Variants in UBE2D4 observed in about 807,000 individuals in gnomAD.
UBE2D4 encodes ubiquitin-conjugating enzyme E2 D4.
A neutral mutation model predicts 23.0 loss-of-function variants in UBE2D4; 17 were observed. That is an observed-to-expected ratio of 0.74 (90% CI 0.51 to 1.11). UBE2D4 has a LOEUF of 1.11. UBE2D4 is among the 50% of genes least tolerant of loss of function. The pLI is 0.00. For missense variants in UBE2D4, 139 were observed against 181.8 expected (o/e 0.76, Z 1.35); for synonymous variants, 61 against 69.4 (o/e 0.88, Z 0.60).
intron 1 of UBE2D4, among the ~76,000 whole-genome samples, chr7:43,932,840 A>G (rs2095948895): frequency 6.6e-6 from 1 of 150,636 alleles, no homozygotes; most frequent in African/African-American, 2.4e-5. Flanking sequence ...AATAATAGAA[A>G]AAAAGAAAAT....
chr7:43,940,562 G>A (rs1266974545), intron 2 of UBE2D4, among the ~76,000 whole-genome samples: 1 of 152,180 alleles, frequency 6.6e-6, no homozygotes, highest in Non-Finnish European at 1.5e-5. Context: ...AGTGGATGAG[G>A]TTCAGACAGC....
chr7:43,934,281 G>T (rs2095953525), intron 1 of UBE2D4, among the ~76,000 whole-genome samples: 2 of 151,828 alleles, frequency 1.3e-5, no homozygotes, highest in African/African-American at 4.8e-5. Flanking sequence ...TGGCTTGAAA[G>T]AAAACTCCAG....
intron 1 of UBE2D4, among the ~76,000 whole-genome samples, chr7:43,927,349 A>G (rs549430754): frequency 7.2e-4 from 101 of 139,852 alleles, no homozygotes; most frequent in Non-Finnish European, 9.5e-4. Context: ...AGGCTGGAGT[A>G]TCGCCCAGGC....
Position 43,943,021 on chromosome 7 carries a change from A to C in UBE2D4, c.188A>C (p.Lys63Thr). The C allele has an allele frequency of 6.2e-7, 1 of 1,614,134 alleles. No individual in the cohort carries two copies. Among genetic ancestry groups the C allele is most frequent in the Non-Finnish European group, 8.5e-7 (1 of 1,180,010 alleles). Residue 63 changes from lysine to threonine, a missense_variant, in exon 4 of 7, where the codon AAG (lysine) becomes ACG (threonine). Physicochemically the swap from Lys to Thr is moderately conservative, Grantham distance 78 (BLOSUM62 -1). Coordinates refer to ENST00000222402, the MANE Select transcript of UBE2D4 (RefSeq NM_015983.4). ...TIHFPTDYPF[K>T]PPKVAFTTKI... is the part of the protein sequence containing the mutation. Reference sequence around the variant, plus strand: ...CACTTTCCTACAGATTACCCGTTCAAGCCCCCAAAGGTGAGGTCCCTCTCC... The same window carrying C: ...CACTTTCCTACAGATTACCCGTTCACGCCCCCAAAGGTGAGGTCCCTCTCC...
intron 1 of UBE2D4, among the ~76,000 whole-genome samples, chr7:43,934,639 CT>C (rs34428425): frequency 5.0e-4 from 72 of 145,294 alleles, no homozygotes; most frequent in Admixed American, 4.8e-4. Flanking sequence ...TAAAGCAATT[CT>C]TTTTTTTTTT....
rs558752585 is a variant in UBE2D4, at chr7:43,931,411, T to C, written c.24+4855T>C. Among the ~76,000 whole-genome samples, 4 of 152,318 alleles carry C rather than the reference T, an allele frequency of 2.6e-5. No individual in the cohort carries two copies. In the East Asian group the frequency reaches 7.7e-4, roughly 29 times the overall value. ...GTGAGCCGATATCGTGCCACTGCACTCCAACCTGGGTGACAGAGTAAGACC... is the reference window on the plus strand; with the variant it reads ...GTGAGCCGATATCGTGCCACTGCACCCCAACCTGGGTGACAGAGTAAGACC... On this transcript the variant is annotated intron_variant, in intron 1 of 6. Transcript: ENST00000222402.
At chr7:43,929,663 C>T (rs957561249) in intron 1 of UBE2D4, among the ~76,000 whole-genome samples, 1 of 152,034 alleles carries the variant, frequency 6.6e-6, no homozygotes, top group African/African-American at 2.4e-5. Context: ...GTGTGTGTGA[C>T]GCATTCACTC....
intron 1 of UBE2D4, among the ~76,000 whole-genome samples, chr7:43,937,077 C>T (rs1452393494): frequency 6.6e-6 from 1 of 152,212 alleles, no homozygotes; most frequent in Non-Finnish European, 1.5e-5. Flanking sequence ...TGTAACTGTT[C>T]ATCACACCTC....
Position 43,939,538 on chromosome 7 carries a change from G to A in UBE2D4, c.88+1044G>A, listed in dbSNP as rs570369609. Among the ~76,000 whole-genome samples the A allele has an allele frequency of 5.9e-5, 9 of 152,324 alleles. No individual in the cohort carries two copies. In the South Asian group the frequency reaches 1.7e-3, roughly 28 times the overall value. ...CAGCCATAGGAAAATAGGTGGGGAG[G>A]GGAGATACTATGTGTTCAAGGAGAG... On this transcript the variant is annotated intron_variant, in intron 2 of 6. Transcript: ENST00000222402.
intron 1 of UBE2D4, among the ~76,000 whole-genome samples, chr7:43,935,449 T>C (rs1321268569): frequency 6.6e-6 from 1 of 152,238 alleles, no homozygotes; most frequent in Non-Finnish European, 1.5e-5. Flanking sequence ...GCTAAATTTA[T>C]GCTTCTCTGT....
chr7:43,950,931 A>G (rs1018232751), intron 6 of UBE2D4, among the ~76,000 whole-genome samples: 4 of 152,252 alleles, frequency 2.6e-5, no homozygotes, highest in Admixed American at 1.3e-4. Context: ...TGGATAACTC[A>G]TTAGCTGCTG....
At chr7:43,928,118 G>C (rs762800417) in intron 1 of UBE2D4, 1 of 437,002 alleles carries the variant, frequency 2.3e-6, no homozygotes, top group Non-Finnish European at 4.5e-6. Context: ...CCTGGTAAGA[G>C]AGGGAGCAAG....
At chr7:43,948,492 G>T in intron 4 of UBE2D4, 140 bp from the exon 5 acceptor site, 1 of 603,578 alleles carries the variant, frequency 1.7e-6, no homozygotes, top group Admixed American at 2.9e-5. Flanking sequence ...TGGGAGTGGG[G>T]GTCTGGCTTA....
chr7:43,932,211 G>T (rs183569353), intron 1 of UBE2D4, among the ~76,000 whole-genome samples: 36 of 150,730 alleles, frequency 2.4e-4, no homozygotes, highest in African/African-American at 8.5e-4. Context: ...GGATGGTCTC[G>T]ATCTCCTGAC....
At chr7:43,934,317 T>A (rs1052702877) in intron 1 of UBE2D4, among the ~76,000 whole-genome samples, 2 of 152,138 alleles carry the variant, frequency 1.3e-5, no homozygotes, top group African/African-American at 4.8e-5. Flanking sequence ...ACTCTAAGAA[T>A]TGCCACATTA....
intron 1 of UBE2D4, among the ~76,000 whole-genome samples, chr7:43,931,394 A>G (rs570343513): frequency 1.3e-5 from 2 of 152,176 alleles, no homozygotes; most frequent in South Asian, 2.1e-4. Context: ...CAGTGAGCCG[A>G]TATCGTGCCA....
At chr7:43,943,721 G>C (rs2095978825) in intron 4 of UBE2D4, 2 of 153,588 alleles carry the variant, frequency 1.3e-5, no homozygotes, top group African/African-American at 4.8e-5. Context: ...AGCCCAGGGA[G>C]CTGCCTCGAC....
rs1056649246 is a variant in UBE2D4, at chr7:43,954,076, A to G, written c.*1381A>G. 6 of 152,262 alleles carry G rather than the reference A, an allele frequency of 3.9e-5. No homozygotes were observed. The highest frequency in any genetic ancestry group is 1.4e-4 in the African/African-American group (6 of 41,552). 9.4% of individuals were successfully genotyped at this position (152,262 alleles called of 1,614,324 possible). On this transcript the variant is annotated 3_prime_UTR_variant, in exon 7 of 7. Coordinates refer to ENST00000222402, the MANE Select transcript of UBE2D4 (RefSeq NM_015983.4). The stretch of plus-strand genomic sequence containing the variant: ...GTTGTGGCTACAAATTTATTGCCAG[A>G]TATTTTCCCACTGAGAATACTGAGG...
intron 6 of UBE2D4, 70 bp from the exon 7 acceptor site, chr7:43,952,580 C>A: frequency 1.5e-6 from 2 of 1,365,820 alleles, no homozygotes; most frequent in Non-Finnish European, 1.0e-6. Flanking sequence ...CAGTCCTGTT[C>A]TCTGCAGCAC....
Sources: allele counts gnomAD v4.1 joint callset (sites outside exome capture counted in the v4.1 genomes callset), GRCh38; gene constraint gnomAD v4.1.1; transcripts MANE v1.5; gene names NCBI Gene and HGNC (gene_info 2026-07-23, HGNC 2026-07-21).